Variants in MINDY2 observed in about 807,000 individuals in gnomAD.
MINDY2 encodes MINDY lysine 48 deubiquitinase 2.
MINDY2 carries 52 observed loss-of-function variants against 68.2 expected under a neutral mutation model. The ratio of observed to expected loss-of-function variants is 0.76; its 90% confidence interval spans 0.61 to 0.96. MINDY2 has a LOEUF of 0.96. MINDY2 is among the 40% of genes least tolerant of loss of function. The probability of loss-of-function intolerance (pLI) is 0.00; values close to 1 mark genes in which losing one functional copy is unlikely to be tolerated. For synonymous variants in MINDY2, 372 were observed against 303.0 expected (o/e 1.23, Z -2.36); for missense variants, 881 against 773.4 (o/e 1.14, Z -1.65).
chr15:58,824,850 A>G (rs1595753699), intron 5 of MINDY2, among the ~76,000 whole-genome samples: 1 of 151,884 alleles, frequency 6.6e-6, no homozygotes, highest in Non-Finnish European at 1.5e-5. Context: ...TTGTATTTTT[A>G]GTAGAGATGA....
intron 8 of MINDY2, among the ~76,000 whole-genome samples, chr15:58,852,287 C>CA (rs60365490): frequency 0.015 from 953 of 61,924 alleles, 71 homozygotes; most frequent in African/African-American, 0.054. Context: ...GACTCCTTCT[C>CA]AAAAAAAAAA....
chr15:58,818,226 A>G (rs1047108092), intron 4 of MINDY2, among the ~76,000 whole-genome samples: 1 of 152,132 alleles, frequency 6.6e-6, no homozygotes, highest in South Asian at 2.1e-4. Context: ...ATGTAGTAGT[A>G]TGTAATAGGC....
intron 1 of MINDY2, among the ~76,000 whole-genome samples, chr15:58,777,521 C>T (rs999198125): frequency 6.6e-6 from 1 of 152,104 alleles, no homozygotes; most frequent in Admixed American, 6.6e-5. Flanking sequence ...CGCCTGGAAT[C>T]CTAGCACTTT....
At chr15:58,783,549 A>C (rs1260322602) in intron 1 of MINDY2, among the ~76,000 whole-genome samples, 5 of 152,166 alleles carry the variant, frequency 3.3e-5, no homozygotes, top group African/African-American at 1.2e-4. Context: ...TTAAGATTTC[A>C]CTTACAGTTT....
At chr15:58,841,074 C>T (rs547959491) in intron 6 of MINDY2, among the ~76,000 whole-genome samples, 14 of 151,680 alleles carry the variant, frequency 9.2e-5, no homozygotes, top group Admixed American at 3.3e-4. Context: ...CTCTGCCTCC[C>T]GGGTTCAAGA....
rs61211927 is a variant in MINDY2 at position 58,831,041 on chromosome 15, G to GTATATATATA, written c.1226-723_1226-714dup. Among the ~76,000 whole-genome samples the GTATATATATA allele has an allele frequency of 5.1e-3, 631 of 124,894 alleles. 17 individuals carry two copies. The highest frequency in any genetic ancestry group is 0.019 in the African/African-American group (567 of 29,186). The allele number at this position is 124,894 out of a possible 152,430, so 81.9% of individuals were successfully genotyped here. A position where few individuals can be genotyped will look rare whatever the true frequency, so the allele number is the denominator to read the frequency against. On this transcript the variant is annotated intron_variant, in intron 5 of 8. Coordinates refer to ENST00000559228, the MANE Select transcript of MINDY2 (RefSeq NM_001040450.3). The stretch of plus-strand genomic sequence containing the variant: ...TGTGTGTGTGTGTGTGTGTGTGTGT[G>GTATATATATA]TATATATATATATATATATGTTTTA...
chr15:58,844,100 A>G (rs2032408455), intron 6 of MINDY2, among the ~76,000 whole-genome samples: 1 of 152,184 alleles, frequency 6.6e-6, no homozygotes, highest in African/African-American at 2.4e-5. Context: ...TGACTGCATA[A>G]TCTAGCAAAA....
chr15:58,791,803 T>C (rs1485875204), intron 2 of MINDY2, among the ~76,000 whole-genome samples: 1 of 151,846 alleles, frequency 6.6e-6, no homozygotes, highest in Non-Finnish European at 1.5e-5. Flanking sequence ...ACAGACAACA[T>C]ATATAAACAG....
At chr15:58,852,144 G>A (rs2032847545) in intron 8 of MINDY2, among the ~76,000 whole-genome samples, 179 bp downstream of exon 8, 1 of 151,450 alleles carries the variant, frequency 6.6e-6, no homozygotes, top group South Asian at 2.1e-4. Flanking sequence ...AAATTAGCCG[G>A]GCGTGGTGGT....
chr15:58,788,338 C>T lies in MINDY2; in HGVS notation c.898+375C>T, dbSNP rs149993648. ...AGGAGGTGATTTAGAGCAGTGCTACCGAAAGTGTGATTCATGGACCTATGC... is the reference window on the plus strand; with the variant it reads ...AGGAGGTGATTTAGAGCAGTGCTACTGAAAGTGTGATTCATGGACCTATGC... On this transcript the variant is annotated intron_variant, in intron 2 of 8. Transcript: ENST00000559228. 3.5e-4 allele frequency among the ~76,000 whole-genome samples: 53 copies of T among 152,198 alleles called. No homozygotes were observed. In the East Asian group the frequency reaches 8.3e-3, roughly 24 times the overall value.
intron 5 of MINDY2, among the ~76,000 whole-genome samples, chr15:58,826,227 T>G (rs1411935220): frequency 7.0e-6 from 1 of 143,456 alleles, no homozygotes; most frequent in Non-Finnish European, 1.5e-5. Context: ...CACACAATCT[T>G]TTTTTTTTTT....
intron 6 of MINDY2, among the ~76,000 whole-genome samples, chr15:58,833,921 C>T (rs1406676780): frequency 8.5e-5 from 13 of 152,070 alleles, no homozygotes; most frequent in Admixed American, 6.6e-5. Flanking sequence ...TCCCTTCCCA[C>T]GAGGCCATAT....
intron 1 of MINDY2, among the ~76,000 whole-genome samples, chr15:58,778,413 C>T (rs567095236): frequency 6.6e-6 from 1 of 151,842 alleles, no homozygotes; most frequent in East Asian, 1.9e-4. Flanking sequence ...ATGCCAGGGT[C>T]CTGAAGCAGG....
chr15:58,844,762 CA>C, intron 6 of MINDY2, among the ~76,000 whole-genome samples: 1 of 150,318 alleles, frequency 6.7e-6, no homozygotes. Flanking sequence ...ACTAAAAATA[CA>C]AAAATTAGCC....
intron 2 of MINDY2, among the ~76,000 whole-genome samples, chr15:58,790,311 C>T (rs1448394578): frequency 6.6e-6 from 1 of 151,748 alleles, no homozygotes. Flanking sequence ...TTAGTGATTC[C>T]TAAGTTATAT....
intron 5 of MINDY2, among the ~76,000 whole-genome samples, chr15:58,831,015 T>TTGTGTGTGTG (rs369645565): frequency 7.5e-5 from 10 of 133,794 alleles, no homozygotes; most frequent in African/African-American, 3.1e-4. Context: ...TGAAGATCAG[T>TTGTGTGTGTG]TGTGTGTGTG....
chr15:58,855,396 A>G lies in MINDY2; in HGVS notation c.*786A>G, dbSNP rs1322864351. The stretch of plus-strand genomic sequence containing the variant: ...GGACCACAGTTACTATTTATTGACA[A>G]TGTGATTGAGTGTATGGAGGAAAGC... On this transcript the variant is annotated 3_prime_UTR_variant, in exon 9 of 9. Transcript: ENST00000559228. The G allele has an allele frequency of 2.6e-5, 4 of 152,640 alleles. No individual in the cohort carries two copies. The highest frequency in any genetic ancestry group is 3.2e-3 in the Middle Eastern group (1 of 316). 9.5% of individuals were successfully genotyped at this position (152,640 alleles called of 1,614,324 possible).
chr15:58,824,726 G>A (rs1454994452), intron 5 of MINDY2, among the ~76,000 whole-genome samples: 1 of 147,726 alleles, frequency 6.8e-6, no homozygotes, highest in African/African-American at 2.5e-5. Context: ...CTGGAGTGTA[G>A]TGGCACGATC....
At chr15:58,776,642 T>C (rs1900790000) in intron 1 of MINDY2, among the ~76,000 whole-genome samples, 1 of 152,114 alleles carries the variant, frequency 6.6e-6, no homozygotes, top group Non-Finnish European at 1.5e-5. Flanking sequence ...TCCTCAGTTC[T>C]CTTTAGAGGA....
Sources: gnomAD v4.1 joint callset for allele counts (sites outside exome capture counted in the v4.1 genomes callset) on GRCh38, gnomAD v4.1.1 for gene constraint, MANE v1.5 for transcripts, NCBI Gene and HGNC (gene_info 2026-07-23, HGNC 2026-07-21) for gene names.